GTF2A1: variants seen among roughly 807,000 people sequenced by gnomAD.
The protein encoded by GTF2A1 is transcription initiation factor IIA subunit 1.
In GTF2A1, 12 loss-of-function variants were observed where a neutral mutation model predicts 54.1. That is an observed-to-expected ratio of 0.22 (90% CI 0.14 to 0.36). The LOEUF (loss-of-function observed/expected upper bound fraction) is 0.36, where lower values mean the gene tolerates loss of function less well. Among genes scored for constraint, GTF2A1 ranks in the 10% least tolerant of loss-of-function variants. The pLI is 1.00. For missense variants in GTF2A1, 335 were observed against 442.2 expected (o/e 0.76, Z 2.17); for synonymous variants, 145 against 152.0 (o/e 0.95, Z 0.34).
chr14:81,197,079 A>C (rs1322232393), intron 5 of GTF2A1: 3 of 175,638 alleles, frequency 1.7e-5, no homozygotes, highest in Non-Finnish European at 3.6e-5. Context: ...CTTTGATATC[A>C]CAAGTTCAAA....
rs765592827 is a variant in GTF2A1, at chr14:81,201,648, T to G, written c.348A>C (p.Pro116=). 3 of 1,609,442 alleles carry G rather than the reference T, an allele frequency of 1.9e-6. No homozygotes were observed. Among genetic ancestry groups the G allele is most frequent in the Non-Finnish European group, 8.5e-7 (1 of 1,175,798 alleles). ...LIPASQQATA[P]QVIVPDSKLI... ...ACTTAGAATCTGGAACAATAACTTG[T>G]GGTGCTGTGGCTACAAAAAAACAAG... is the stretch of plus-strand genomic sequence containing the variant. The change falls in exon 4 of 9, where the codon CCA becomes CCC. Residue 116 remains proline, a synonymous_variant. Transcript: ENST00000553612.
chr14:81,211,974 C>A (rs1420160314), intron 2 of GTF2A1, among the ~76,000 whole-genome samples: 1 of 148,306 alleles, frequency 6.7e-6, no homozygotes, highest in Non-Finnish European at 1.5e-5. Context: ...CGACATCTGG[C>A]AATGTCTAGA....
In GTF2A1 at chr14:81,220,737, T is replaced by TA. The variant is rs879011381; in HGVS notation, c.-220dup. ...CAGCTGAAAACCTCGAGAATCGCCT[T>TA]AAAAAAAAAAAAAAAGCCACGACCC... On this transcript the variant is annotated 5_prime_UTR_variant, in exon 1 of 9. Transcript: ENST00000553612. 20,140 of 197,780 alleles carry TA rather than the reference T, an allele frequency of 0.1. 254 individuals carry two copies. Among genetic ancestry groups the TA allele is most frequent in the Middle Eastern group, 0.15 (94 of 640 alleles). The allele number at this position is 197,780 out of a possible 1,614,324, so 12.3% of individuals were successfully genotyped here.
rs1212831439 is a variant in GTF2A1, at chr14:81,199,273, T to A, written c.403-1789A>T. ...ACACCCTCCACAAATTCAAGCTGCA[T>A]AACATATATTTGCTGAGTCATGTAC... On this transcript the variant is annotated intron_variant, in intron 4 of 8. Transcript: ENST00000553612. 2.6e-5 allele frequency among the ~76,000 whole-genome samples: 4 copies of A among 152,288 alleles called. 1 individual carries two copies. The Middle Eastern group carries it at 0.01, about 388-fold the overall frequency.
intron 2 of GTF2A1, among the ~76,000 whole-genome samples, chr14:81,210,693 T>G (rs1234808344): frequency 3.9e-5 from 6 of 152,162 alleles, no homozygotes; most frequent in African/African-American, 1.2e-4. Context: ...TAGCTGGGAT[T>G]ATAAGCATGC....
At chr14:81,194,303 C>T (rs141832850) in intron 6 of GTF2A1, among the ~76,000 whole-genome samples, 24 of 152,298 alleles carry the variant, frequency 1.6e-4, no homozygotes, top group Middle Eastern at 3.4e-3. Flanking sequence ...ATCCCTGCTG[C>T]CCAGTACATG....
chr14:81,212,656 CTAATGACAGGCTTTCTAAA>C (rs1349027767), intron 2 of GTF2A1, among the ~76,000 whole-genome samples: 1 of 152,196 alleles, frequency 6.6e-6, no homozygotes, highest in African/African-American at 2.4e-5. Context: ...GGGGCTAGAG[CTAATGACAGGCTTTCTAAA>C]CCATAAAATA....
intron 4 of GTF2A1, 27 bp downstream of exon 4, chr14:81,201,567 A>G (rs1231202114): frequency 7.2e-7 from 1 of 1,387,900 alleles, no homozygotes; most frequent in Non-Finnish European, 1.0e-6. Flanking sequence ...AGTACAGCCA[A>G]TCAAACTGCT....
rs866507291 is a variant in GTF2A1 at position 81,175,645 on chromosome 14, C to A, written c.*4578G>T. ...AAAATAACACAAAATATATTCAATACGCAATACAAACCTCAGTAATCCAAT... is the reference window on the plus strand; with the variant it reads ...AAAATAACACAAAATATATTCAATAAGCAATACAAACCTCAGTAATCCAAT... On this transcript the variant is annotated 3_prime_UTR_variant, in exon 9 of 9. Coordinates refer to ENST00000553612, the MANE Select transcript of GTF2A1 (RefSeq NM_015859.4). 2 of 152,138 alleles carry A rather than the reference C, an allele frequency of 1.3e-5. No homozygotes were observed. The highest frequency in any genetic ancestry group is 2.9e-5 in the Non-Finnish European group (2 of 68,014). 9.4% of individuals were successfully genotyped at this position (152,138 alleles called of 1,614,324 possible). A position where few individuals can be genotyped will look rare whatever the true frequency, so the allele number is the denominator to read the frequency against.
At chr14:81,186,004 C>T (rs1026267344) in intron 7 of GTF2A1, among the ~76,000 whole-genome samples, 1 of 152,196 alleles carries the variant, frequency 6.6e-6, no homozygotes, top group African/African-American at 2.4e-5. Context: ...TGGCACGCGC[C>T]ACCACACCCA....
At position 81,203,971 on chromosome 14, in the gene GTF2A1, T is replaced by C. The variant is rs760695064; in HGVS notation, c.266A>G (p.Gln89Arg). 6.2e-7 allele frequency: 1 copy of C among 1,614,070 alleles called. No homozygotes were observed. Among genetic ancestry groups the C allele is most frequent in the Non-Finnish European group, 8.5e-7 (1 of 1,179,988 alleles). ...AGGTACTGTCTGCTGAGGCTGAGCT[T>C]GCTGATGATGGTGATGGTGGTGATG... Reference protein sequence around the residue: ...QQHHHHHHHQQAQPQQTVPQQ... With the variant: ...QQHHHHHHHQRAQPQQTVPQQ... The change falls in exon 3 of 9, where the codon CAA becomes CGA. Residue 89 changes from glutamine (Q) to arginine (R), a missense_variant. Physicochemically the swap from Gln to Arg is conservative, Grantham distance 43. Transcript: ENST00000553612.
At chr14:81,197,960 C>G (rs1434765746) in intron 4 of GTF2A1, among the ~76,000 whole-genome samples, 2 of 152,052 alleles carry the variant, frequency 1.3e-5, no homozygotes, top group African/African-American at 4.8e-5. Flanking sequence ...TTTTAGAATT[C>G]TTAACTTTTA....
intron 2 of GTF2A1, among the ~76,000 whole-genome samples, chr14:81,213,895 T>C (rs938478481): frequency 1.3e-5 from 2 of 151,046 alleles, no homozygotes; most frequent in Non-Finnish European, 3.0e-5. Context: ...CAGGCTGCAG[T>C]GTAGTGGCAT....
chr14:81,220,627 G>T lies in GTF2A1; in HGVS notation c.-109C>A. 1 of 801,786 alleles carries T rather than the reference G, an allele frequency of 1.2e-6. No homozygotes were observed. The allele number at this position is 801,786 out of a possible 1,614,324, so 49.7% of individuals were successfully genotyped here. A position where few individuals can be genotyped will look rare whatever the true frequency, so the allele number is the denominator to read the frequency against. ...CGGAGGGTGACCCAAATCACCGCAAGATTGGGGAAAAAATTTTAAACAAAA... is the reference window on the plus strand; with the variant it reads ...CGGAGGGTGACCCAAATCACCGCAATATTGGGGAAAAAATTTTAAACAAAA... On this transcript the variant is annotated 5_prime_UTR_variant, in exon 1 of 9. Transcript: ENST00000553612.
At position 81,209,836 on chromosome 14, in the gene GTF2A1, C is replaced by T; in HGVS notation, c.133-5732G>A. 3 of 863,290 alleles carry T rather than the reference C, an allele frequency of 3.5e-6. No individual in the cohort carries two copies. In the South Asian group the frequency reaches 4.2e-5, roughly 12 times the overall value. The allele number at this position is 863,290 out of a possible 1,614,324, so 53.5% of individuals were successfully genotyped here. ...AAAGAAAAGCCATCACTCACTGCCT[C>T]CATGCATAAAAGACATTTCTATTTT... On this transcript the variant is annotated intron_variant, in intron 2 of 8. Transcript: ENST00000553612.
rs1566853922 is a variant in GTF2A1 at position 81,192,546 on chromosome 14, A to T, written c.906T>A (p.Asp302Glu). Reference sequence around the variant, plus strand: ...CTTCCACCTGCCCATCTTCAGCTCCATCTTTCTCTTTGTCTTCCTCCTCAT... The same window carrying T: ...CTTCCACCTGCCCATCTTCAGCTCCTTCTTTCTCTTTGTCTTCCTCCTCAT... ...DDDEEEDKEK[D>E]GAEDGQVEEE... Residue 302 changes from aspartate to glutamate, a missense_variant, in exon 7 of 9, where the codon GAT (aspartate) becomes GAA (glutamate). Coordinates refer to ENST00000553612, the MANE Select transcript of GTF2A1 (RefSeq NM_015859.4). 1 of 1,612,216 alleles carries T rather than the reference A, an allele frequency of 6.2e-7. No homozygotes were observed. Among genetic ancestry groups the T allele is most frequent in the Non-Finnish European group, 8.5e-7 (1 of 1,178,946 alleles).
Position 81,220,571 on chromosome 14 carries a change from A to C in GTF2A1, c.-53T>G. The stretch of plus-strand genomic sequence containing the variant: ...GCAACCCCAAGAAAACAAGATAAAA[A>C]CAAAACCAAAAAAAAAAAAACTATA... On this transcript the variant is annotated 5_prime_UTR_variant, in exon 1 of 9. Coordinates refer to ENST00000553612, the MANE Select transcript of GTF2A1 (RefSeq NM_015859.4). 1.4e-6 allele frequency: 2 copies of C among 1,449,354 alleles called. No homozygotes were observed. Among genetic ancestry groups the C allele is most frequent in the Non-Finnish European group, 1.9e-6 (2 of 1,077,816 alleles). The allele number at this position is 1,449,354 out of a possible 1,614,324, so 89.8% of individuals were successfully genotyped here.
chr14:81,220,569 A>T lies in GTF2A1; in HGVS notation c.-51T>A. 1 of 1,449,494 alleles carries T rather than the reference A, an allele frequency of 6.9e-7. No individual in the cohort carries two copies. The highest frequency in any genetic ancestry group is 9.3e-7 in the Non-Finnish European group (1 of 1,077,386). The allele number at this position is 1,449,494 out of a possible 1,614,324, so 89.8% of individuals were successfully genotyped here. A position where few individuals can be genotyped will look rare whatever the true frequency, so the allele number is the denominator to read the frequency against. The stretch of plus-strand genomic sequence containing the variant: ...GGGCAACCCCAAGAAAACAAGATAA[A>T]AACAAAACCAAAAAAAAAAAAACTA... On this transcript the variant is annotated 5_prime_UTR_variant, in exon 1 of 9. Coordinates refer to ENST00000553612, the MANE Select transcript of GTF2A1 (RefSeq NM_015859.4).
chr14:81,207,147 C>CTACCTACG (rs1555390228), intron 2 of GTF2A1, among the ~76,000 whole-genome samples: 7 of 40,074 alleles, frequency 1.7e-4, no homozygotes, highest in Non-Finnish European at 4.4e-4. Context: ...ACGTACCTAC[C>CTACCTACG]TACCTACCTA....
Sources: allele counts gnomAD v4.1 joint callset (sites outside exome capture counted in the v4.1 genomes callset), GRCh38; gene constraint gnomAD v4.1.1; transcripts MANE v1.5; gene names NCBI Gene and HGNC (gene_info 2026-07-23, HGNC 2026-07-21).